The following MTUS2 variants were observed in gnomAD, a reference collection of about 807,000 sequenced individuals.
MTUS2 encodes microtubule-associated tumor suppressor candidate 2.
A neutral mutation model predicts 114.1 loss-of-function variants in MTUS2; 40 were observed. That is an observed-to-expected ratio of 0.35 (90% CI 0.27 to 0.46). MTUS2 has a LOEUF of 0.46. MTUS2 is among the 20% of genes least tolerant of loss of function. The pLI is 1.00. For synonymous variants in MTUS2, 688 were observed against 672.0 expected (o/e 1.02, Z -0.37); for missense variants, 1,679 against 1,705.4 (o/e 0.98, Z 0.27).
chr13:29,338,306 G>A (rs1901188289), intron 7 of MTUS2, among the ~76,000 whole-genome samples: 1 of 151,840 alleles, frequency 6.6e-6, no homozygotes, highest in Admixed American at 6.6e-5. Flanking sequence ...AATATTTGCA[G>A]CCAGAGGCGG....
At chr13:28,991,019 A>G (rs996694305) in intron 2 of MTUS2, among the ~76,000 whole-genome samples, 3 of 152,198 alleles carry the variant, frequency 2.0e-5, no homozygotes, top group Admixed American at 1.3e-4. Flanking sequence ...CAGAAGGAAT[A>G]AATTCCGGAC....
At chr13:29,389,366 C>CAT (rs1555272401) in intron 8 of MTUS2, among the ~76,000 whole-genome samples, 2,314 of 57,394 alleles carry the variant, frequency 0.04, 101 homozygotes, top group Non-Finnish European at 0.053. Flanking sequence ...TATGTATGCA[C>CAT]GTGTGTGTAT....
intron 8 of MTUS2, among the ~76,000 whole-genome samples, chr13:29,404,224 G>T (rs1874581420): frequency 6.6e-6 from 1 of 151,802 alleles, no homozygotes; most frequent in South Asian, 2.1e-4. Context: ...GGTGGTGTGT[G>T]CCTGTAGTCC....
At chr13:28,820,820 C>T (rs1873845983) in intron 1 of MTUS2, among the ~76,000 whole-genome samples, 1 of 152,196 alleles carries the variant, frequency 6.6e-6, no homozygotes. Flanking sequence ...CTTTTGGCAC[C>T]TTCGCTTGCT....
intron 5 of MTUS2, among the ~76,000 whole-genome samples, chr13:29,181,786 T>A (rs932442995): frequency 1.1e-5 from 1 of 91,752 alleles, no homozygotes; most frequent in Non-Finnish European, 2.1e-5. Context: ...ATTTATATAC[T>A]ACTGTGTGTG....
intron 1 of MTUS2, among the ~76,000 whole-genome samples, chr13:28,836,365 A>T (rs1875086146): frequency 6.6e-6 from 1 of 152,192 alleles, no homozygotes; most frequent in African/African-American, 2.4e-5. Flanking sequence ...CAAAGCTTTC[A>T]GAGACACAGC....
chr13:29,499,997 G>C (rs568560197), intron 14 of MTUS2, among the ~76,000 whole-genome samples: 3 of 152,246 alleles, frequency 2.0e-5, no homozygotes, highest in Non-Finnish European at 4.4e-5. Flanking sequence ...GCCTGCCTCA[G>C]CTGAACCCTG....
rs1879948466 is a variant in MTUS2, at chr13:28,905,596, G to A, written c.-243+65746G>A. On this transcript the variant is annotated intron_variant, in intron 2 of 15. Coordinates refer to ENST00000612955, the MANE Select transcript of MTUS2 (RefSeq NM_001033602.4). ...TGTTGAACCAGCCTCGCATCCCAGG[G>A]ATGAAGCCCACTTGATCATGGTGGA... 5.9e-5 allele frequency among the ~76,000 whole-genome samples: 9 copies of A among 151,576 alleles called. No homozygotes were observed. In the South Asian group the frequency reaches 1.7e-3, roughly 28 times the overall value.
intron 6 of MTUS2, chr13:29,307,628 CT>C: frequency 8.6e-7 from 1 of 1,166,692 alleles, no homozygotes; most frequent in Non-Finnish European, 1.3e-6. Flanking sequence ...CTTGTCTCCT[CT>C]GACTTCAACA....
At chr13:29,136,182 C>T (rs139479107) in intron 5 of MTUS2, among the ~76,000 whole-genome samples, 3 of 152,264 alleles carry the variant, frequency 2.0e-5, no homozygotes, top group Non-Finnish European at 2.9e-5. Context: ...TAGCATTTCT[C>T]GCAGGGCATG....
rs138395752 is a variant in MTUS2, at chr13:29,383,512, CTT to C, written c.3117+24042_3117+24043del. On this transcript the variant is annotated intron_variant, in intron 8 of 15. Coordinates refer to ENST00000612955, the MANE Select transcript of MTUS2 (RefSeq NM_001033602.4). ...CTAAGGCAAGGATGACTAAGTGACT[CTT>C]TTCAAATTTTGTTTCACATGGGAAA... is the stretch of plus-strand genomic sequence containing the variant. Among the ~76,000 whole-genome samples the C allele has an allele frequency of 7.8e-3, 1,184 of 152,178 alleles. 10 individuals carry two copies. The highest frequency in any genetic ancestry group is 0.034 in the Middle Eastern group (10 of 294).
intron 5 of MTUS2, among the ~76,000 whole-genome samples, chr13:29,175,529 A>G (rs1259145674): frequency 4.6e-5 from 7 of 152,222 alleles, no homozygotes; most frequent in Non-Finnish European, 1.0e-4. Context: ...GCCTGTGTAG[A>G]TATCTGTCAT....
At chr13:29,349,899 A>G (rs1869076290) in intron 7 of MTUS2, among the ~76,000 whole-genome samples, 1 of 152,018 alleles carries the variant, frequency 6.6e-6, no homozygotes. Context: ...ATCTGTTTTT[A>G]TACAGTTTTC....
Position 29,141,812 on chromosome 13 carries a change from A to G in MTUS2, c.2644+40842A>G, listed in dbSNP as rs145869302. ...AGAAAAACAATAATAGTTAAATTTT[A>G]TCACATTTCCTGTTATCCAAAACAG... On this transcript the variant is annotated intron_variant, in intron 5 of 15. Coordinates refer to ENST00000612955, the MANE Select transcript of MTUS2 (RefSeq NM_001033602.4). Among the ~76,000 whole-genome samples, 397 of 152,238 alleles carry G rather than the reference A, an allele frequency of 2.6e-3. 1 individual carries two copies. The highest frequency in any genetic ancestry group is 9.2e-3 in the African/African-American group (381 of 41,560).
chr13:29,340,884 G>A (rs1297505328), intron 7 of MTUS2, among the ~76,000 whole-genome samples: 1 of 152,162 alleles, frequency 6.6e-6, no homozygotes, highest in African/African-American at 2.4e-5. Flanking sequence ...CCACTTATGA[G>A]TGAGAACATA....
At chr13:29,021,510 T>G (rs963734884) in intron 2 of MTUS2, among the ~76,000 whole-genome samples, 1 of 152,268 alleles carries the variant, frequency 6.6e-6, no homozygotes, top group African/African-American at 2.4e-5. Context: ...TGTTTTTGTT[T>G]GTCTCTGCTG....
chr13:29,157,450 A>G (rs1401021248), intron 5 of MTUS2, among the ~76,000 whole-genome samples: 1 of 152,156 alleles, frequency 6.6e-6, no homozygotes, highest in African/African-American at 2.4e-5. Context: ...TAAATATTAG[A>G]ATTTGATTCA....
chr13:28,984,592 T>C (rs1884496833), intron 2 of MTUS2, among the ~76,000 whole-genome samples: 1 of 152,232 alleles, frequency 6.6e-6, no homozygotes, highest in Admixed American at 6.5e-5. Context: ...AGCCCCGTTC[T>C]GGCACTGACA....
chr13:29,372,677 A>G (rs1383630792), intron 8 of MTUS2, among the ~76,000 whole-genome samples: 1 of 152,188 alleles, frequency 6.6e-6, no homozygotes, highest in African/African-American at 2.4e-5. Flanking sequence ...TTTCATACCT[A>G]AGATAACCCA....
Sources: allele counts gnomAD v4.1 joint callset (sites outside exome capture counted in the v4.1 genomes callset), GRCh38; gene constraint gnomAD v4.1.1; transcripts MANE v1.5; gene names NCBI Gene and HGNC (gene_info 2026-07-23, HGNC 2026-07-21).